The following STPG4 variants were observed in gnomAD, a reference collection of about 807,000 sequenced individuals.
STPG4 encodes sperm-tail PG-rich repeat containing 4.
In STPG4, 41 loss-of-function variants were observed where a neutral mutation model predicts 31.5. The observed-to-expected ratio is 1.30, with a 90% CI of 1.01 to 1.69. The LOEUF is 1.69. STPG4 is among the 40% of genes most tolerant of loss of function. The probability of loss-of-function intolerance (pLI) is 0.00; values close to 1 mark genes in which losing one functional copy is unlikely to be tolerated. For synonymous variants in STPG4, 141 were observed against 103.0 expected, an observed-to-expected ratio of 1.37 and a Z score of -2.24; for missense variants, 375 against 293.4, an observed-to-expected ratio of 1.28 and a Z score of -2.03.
chr2:47,137,341 G>A (rs1025853408), intron 3 of STPG4, among the ~76,000 whole-genome samples: 16 of 152,144 alleles, frequency 1.1e-4, no homozygotes, highest in African/African-American at 1.7e-4. Flanking sequence ...ACTTGGTTGC[G>A]ATGTATAATT....
chr2:47,118,722 C>G (rs1388987653), intron 5 of STPG4, among the ~76,000 whole-genome samples: 1 of 152,116 alleles, frequency 6.6e-6, no homozygotes, highest in Non-Finnish European at 1.5e-5. Flanking sequence ...ACTTCCTGAC[C>G]TGTCAAATAG....
At chr2:47,117,474 G>C (rs1686175926) in intron 5 of STPG4, among the ~76,000 whole-genome samples, 1 of 152,202 alleles carries the variant, frequency 6.6e-6, no homozygotes, top group South Asian at 2.1e-4. Flanking sequence ...CTCCTAAAGT[G>C]CTGGGATAAC....
chr2:47,112,503 G>A (rs6544959), intron 5 of STPG4, among the ~76,000 whole-genome samples: 127,227 of 152,130 alleles, frequency 0.84, 53,781 homozygotes, highest in South Asian at 0.94. Context: ...AGTGACTAAA[G>A]TATTTCAGCG....
intron 3 of STPG4, among the ~76,000 whole-genome samples, chr2:47,133,154 C>A (rs1280618261): frequency 1.3e-5 from 2 of 151,730 alleles, no homozygotes; most frequent in Non-Finnish European, 2.9e-5. Flanking sequence ...TTTCTAACTC[C>A]AACATATGCT....
intron 3 of STPG4, among the ~76,000 whole-genome samples, chr2:47,139,622 T>A (rs912644079): frequency 2.0e-5 from 3 of 152,132 alleles, no homozygotes; most frequent in Non-Finnish European, 4.4e-5. Flanking sequence ...GTTATTTGCT[T>A]CTTTGAAGAA....
chr2:47,114,252 C>T (rs1194353000), intron 5 of STPG4, among the ~76,000 whole-genome samples: 1 of 151,958 alleles, frequency 6.6e-6, no homozygotes, highest in Non-Finnish European at 1.5e-5. Flanking sequence ...TACCTGTAAT[C>T]CCAGCACTTT....
chr2:47,141,044 G>A (rs182495293), intron 3 of STPG4, among the ~76,000 whole-genome samples: 164 of 151,974 alleles, frequency 1.1e-3, no homozygotes, highest in African/African-American at 3.2e-3. Context: ...GTACCACCAC[G>A]GCCAGCTAAT....
intron 5 of STPG4, among the ~76,000 whole-genome samples, chr2:47,111,516 G>C (rs1347124962): frequency 6.6e-6 from 1 of 152,140 alleles, no homozygotes; most frequent in Non-Finnish European, 1.5e-5. Flanking sequence ...CAGTTCTCTT[G>C]GATGAAAATG....
At chr2:47,119,460 A>G (rs1019189707) in intron 5 of STPG4, among the ~76,000 whole-genome samples, 2 of 152,210 alleles carry the variant, frequency 1.3e-5, no homozygotes, top group African/African-American at 4.8e-5. Context: ...TTCACATACC[A>G]AGTAGATTGT....
At chr2:47,107,371 GGAGCAGC>G (rs1685936611) in intron 5 of STPG4, among the ~76,000 whole-genome samples, 1 of 152,150 alleles carries the variant, frequency 6.6e-6, no homozygotes, top group Admixed American at 6.5e-5. Flanking sequence ...CCCCGCACTC[GGAGCAGC>G]TGGCCGGCCC....
intron 3 of STPG4, among the ~76,000 whole-genome samples, chr2:47,138,393 G>GTT (rs869102317): frequency 1.2e-4 from 17 of 138,448 alleles, no homozygotes; most frequent in Admixed American, 1.5e-4. Context: ...ATTTGTTAAG[G>GTT]TTTTTTTTTT....
At chr2:47,100,075 A>G (rs1039047482) in intron 5 of STPG4, among the ~76,000 whole-genome samples, 8 of 152,058 alleles carry the variant, frequency 5.3e-5, no homozygotes, top group African/African-American at 1.5e-4. Flanking sequence ...CCCTGCTCCA[A>G]GGTGCCCAGT....
In STPG4 at chr2:47,087,132, T is replaced by C. The variant is rs1685471664; in HGVS notation, c.625-2A>G. On this transcript the variant is annotated splice_acceptor_variant, in intron 6 of 6. Transcript: ENST00000445927. LOFTEE classifies it high-confidence loss of function. ...ATATGCTCCTGGGCCTGGGGTTTTC[T>C]GAAAACAGAGCAGAAAACAGGGACT... The C allele has an allele frequency of 1.3e-6, 2 of 1,551,614 alleles. No homozygotes were observed. The highest frequency in any genetic ancestry group is 1.2e-5 in the South Asian group (1 of 84,054).
In STPG4 at chr2:47,104,760, G is replaced by A. The variant is rs959757613; in HGVS notation, c.520-14386C>T. 3.3e-5 allele frequency among the ~76,000 whole-genome samples: 5 copies of A among 151,936 alleles called. 1 individual carries two copies. Among genetic ancestry groups the A allele is most frequent in the African/African-American group, 1.2e-4 (5 of 41,232 alleles). On this transcript the variant is annotated intron_variant, in intron 5 of 6. Transcript: ENST00000445927. The stretch of plus-strand genomic sequence containing the variant: ...CCAGTTTGGAAGCCTCATGCCAGCA[G>A]GCTACTCTAGATCTCTTGAACTTTC...
intron 5 of STPG4, among the ~76,000 whole-genome samples, chr2:47,113,525 C>T (rs1447823993): frequency 6.6e-6 from 1 of 152,056 alleles, no homozygotes; most frequent in Non-Finnish European, 1.5e-5. Context: ...TGTTAAAAAA[C>T]ATATTAAAAC....
At chr2:47,120,446 G>A (rs192590339) in intron 5 of STPG4, among the ~76,000 whole-genome samples, 1 of 151,928 alleles carries the variant, frequency 6.6e-6, no homozygotes, top group Admixed American at 6.6e-5. Flanking sequence ...ATAAGAATGT[G>A]GTCCCAGCTA....
At chr2:47,101,391 T>C (rs1021220429) in intron 5 of STPG4, among the ~76,000 whole-genome samples, 2 of 151,688 alleles carry the variant, frequency 1.3e-5, no homozygotes, top group Non-Finnish European at 2.9e-5. Flanking sequence ...CCTGCGGCCA[T>C]GAGCAGAACT....
At chr2:47,131,762 C>T (rs988083025) in intron 3 of STPG4, among the ~76,000 whole-genome samples, 10 of 152,172 alleles carry the variant, frequency 6.6e-5, no homozygotes, top group Non-Finnish European at 4.4e-5. Context: ...AAAGAGAGGC[C>T]TCACATCTAA....
chr2:47,105,112 C>T (rs2103745490), intron 5 of STPG4, among the ~76,000 whole-genome samples: 1 of 151,996 alleles, frequency 6.6e-6, no homozygotes, highest in South Asian at 2.1e-4. Flanking sequence ...AAAGCAGGCC[C>T]TAGTACAAGC....
Sources: gnomAD v4.1 joint callset for allele counts (sites outside exome capture counted in the v4.1 genomes callset) on GRCh38, gnomAD v4.1.1 for gene constraint, MANE v1.5 for transcripts, NCBI Gene and HGNC (gene_info 2026-07-23, HGNC 2026-07-21) for gene names.